Variants in ADAMTS12 observed in about 807,000 individuals in gnomAD.
The protein encoded by ADAMTS12 is ADAM metallopeptidase with thrombospondin type 1 motif 12, also known as A disintegrin and metalloproteinase with thrombospondin motifs 12.
A neutral mutation model predicts 167.8 loss-of-function variants in ADAMTS12; 118 were observed. The observed-to-expected ratio is 0.70, with a 90% confidence interval of 0.61 to 0.82. The LOEUF (loss-of-function observed/expected upper bound fraction) is 0.82, where lower values mean the gene tolerates loss of function less well. ADAMTS12 is among the 40% of genes least tolerant of loss of function. ADAMTS12 has a pLI of 0.00. For synonymous variants in ADAMTS12, 704 were observed against 716.9 expected (o/e 0.98, Z 0.29); for missense variants, 1,916 against 1,998.8 (o/e 0.96, Z 0.79).
chr5:33,696,159 T>C (rs994486417), intron 3 of ADAMTS12, among the ~76,000 whole-genome samples: 2 of 152,150 alleles, frequency 1.3e-5, no homozygotes, highest in Non-Finnish European at 2.9e-5. Flanking sequence ...TCGTGGCTCA[T>C]GCCTGTAATC....
intron 5 of ADAMTS12, among the ~76,000 whole-genome samples, chr5:33,677,174 A>G (rs570640923): frequency 1.3e-5 from 2 of 152,332 alleles, no homozygotes; most frequent in South Asian, 2.1e-4. Context: ...GTCCTTGTGA[A>G]ATAAGCATAG....
intron 5 of ADAMTS12, among the ~76,000 whole-genome samples, chr5:33,677,356 A>G (rs183994695): frequency 2.9e-4 from 44 of 152,338 alleles, no homozygotes; most frequent in African/African-American, 1.1e-3. Flanking sequence ...TGAAATACAT[A>G]TAATTATCAC....
At chr5:33,780,773 C>G (rs1746096830) in intron 2 of ADAMTS12, among the ~76,000 whole-genome samples, 1 of 152,126 alleles carries the variant, frequency 6.6e-6, no homozygotes, top group African/African-American at 2.4e-5. Flanking sequence ...CCCTTGCTTC[C>G]CAGCTGACTC....
intron 3 of ADAMTS12, among the ~76,000 whole-genome samples, chr5:33,718,013 C>T (rs1462600198): frequency 6.6e-6 from 1 of 152,172 alleles, no homozygotes; most frequent in African/African-American, 2.4e-5. Context: ...TTACACAATC[C>T]TAACATTTTA....
At chr5:33,683,543 G>C (rs954843355) in intron 4 of ADAMTS12, among the ~76,000 whole-genome samples, 1 of 152,104 alleles carries the variant, frequency 6.6e-6, no homozygotes, top group African/African-American at 2.4e-5. Flanking sequence ...CTTTGCCTCA[G>C]TTTACTCCTT....
At chr5:33,827,761 AGAAT>A (rs1748146559) in intron 2 of ADAMTS12, among the ~76,000 whole-genome samples, 3 of 143,874 alleles carry the variant, frequency 2.1e-5, no homozygotes, top group African/African-American at 5.2e-5. Flanking sequence ...ATAGATAGAT[AGAAT>A]GTTTTTGTTT....
chr5:33,545,908 G>A, intron 22 of ADAMTS12, 151 bp downstream of exon 22: 1 of 903,226 alleles, frequency 1.1e-6, no homozygotes, highest in Admixed American at 3.1e-5. Flanking sequence ...AATACCTAAT[G>A]TAAATGATGA....
At chr5:33,847,428 G>C (rs1748986173) in intron 2 of ADAMTS12, among the ~76,000 whole-genome samples, 1 of 152,070 alleles carries the variant, frequency 6.6e-6, no homozygotes, top group South Asian at 2.1e-4. Flanking sequence ...TTGGAGACCA[G>C]CCTGACCAAC....
At chr5:33,613,494 T>C (rs553987623) in intron 16 of ADAMTS12, among the ~76,000 whole-genome samples, 1 of 152,248 alleles carries the variant, frequency 6.6e-6, no homozygotes, top group Admixed American at 6.5e-5. Flanking sequence ...TGGAAGTGAC[T>C]TGCAGCACTT....
At position 33,881,287 on chromosome 5, in the gene ADAMTS12, C is replaced by T. The variant is rs190703511; in HGVS notation, c.321G>A (p.Thr107=). 7.4e-5 allele frequency: 120 copies of T among 1,614,146 alleles called. No individual in the cohort carries two copies. Among genetic ancestry groups the T allele is most frequent in the Middle Eastern group, 3.3e-4 (2 of 6,062 alleles). The change falls in exon 2 of 24, where the codon ACG becomes ACA. Residue 107 remains threonine, a synonymous_variant. Transcript: ENST00000504830. ...HEEKDLFFNL[T]VNQGFLSNSY... ...TATTGGAAAGAAATCCTTGATTGAC[C>T]GTCAAGTTAAAAAACAGGTCCTTCT...
At chr5:33,606,028 A>T (rs1738422546) in intron 16 of ADAMTS12, among the ~76,000 whole-genome samples, 1 of 152,042 alleles carries the variant, frequency 6.6e-6, no homozygotes, top group Admixed American at 6.6e-5. Context: ...ACTCATTGCA[A>T]CCTCTGCCTC....
At chr5:33,677,129 CT>C (rs1741942404) in intron 5 of ADAMTS12, among the ~76,000 whole-genome samples, 1 of 152,106 alleles carries the variant, frequency 6.6e-6, no homozygotes, top group African/African-American at 2.4e-5. Context: ...TGATTTTGTC[CT>C]TTAGGTCTTT....
intron 14 of ADAMTS12, among the ~76,000 whole-genome samples, chr5:33,616,802 A>G (rs1257068756): frequency 6.6e-6 from 1 of 152,244 alleles, no homozygotes; most frequent in Non-Finnish European, 1.5e-5. Flanking sequence ...CTTAAAGATA[A>G]CAATCAACTC....
chr5:33,871,587 A>G (rs953676861), intron 2 of ADAMTS12, among the ~76,000 whole-genome samples: 11 of 151,494 alleles, frequency 7.3e-5, no homozygotes, highest in Admixed American at 2.6e-4. Flanking sequence ...AGGTAACTAG[A>G]AAAAAAAAGA....
chr5:33,886,572 A>G (rs1275709590), intron 1 of ADAMTS12, among the ~76,000 whole-genome samples: 3 of 152,244 alleles, frequency 2.0e-5, no homozygotes, highest in African/African-American at 4.8e-5. Flanking sequence ...GTTAGAGGTG[A>G]TAACACTGCT....
At chr5:33,776,422 A>G (rs1745912046) in intron 2 of ADAMTS12, among the ~76,000 whole-genome samples, 1 of 152,182 alleles carries the variant, frequency 6.6e-6, no homozygotes, top group African/African-American at 2.4e-5. Flanking sequence ...AAGGAAAATT[A>G]GAATATTCAC....
rs780010676 is a variant in ADAMTS12 at position 33,576,330 on chromosome 5, C to T, written c.3696G>A (p.Gly1232=). Residue 1232 remains glycine (G), a synonymous_variant, in exon 19 of 24, where the codon GGG becomes GGA. Coordinates refer to ENST00000504830, the MANE Select transcript of ADAMTS12 (RefSeq NM_030955.4). ...TAACCATCCCCTCAACTCTGGGTGT[C>T]CCAGTTTCGGAAGTAGTGGGCCTTT... ...PSQRPTTSET[G]TPRVEGMVTE... 1.9e-6 allele frequency: 3 copies of T among 1,614,146 alleles called. No homozygotes were observed. Among genetic ancestry groups the T allele is most frequent in the South Asian group, 1.1e-5 (1 of 91,074 alleles).
At chr5:33,540,670 C>T (rs1382337268) in intron 22 of ADAMTS12, among the ~76,000 whole-genome samples, 1 of 152,252 alleles carries the variant, frequency 6.6e-6, no homozygotes, top group Non-Finnish European at 1.5e-5. Flanking sequence ...GCAGCCTCTG[C>T]TGGTGATACC....
intron 3 of ADAMTS12, among the ~76,000 whole-genome samples, chr5:33,716,476 C>G (rs1300488209): frequency 6.6e-6 from 1 of 152,066 alleles, no homozygotes; most frequent in Non-Finnish European, 1.5e-5. Flanking sequence ...GCTCAGCAAT[C>G]TTATTGCAGT....
Sources: allele counts gnomAD v4.1 joint callset (sites outside exome capture counted in the v4.1 genomes callset), GRCh38; gene constraint gnomAD v4.1.1; transcripts MANE v1.5; gene names NCBI Gene and HGNC (gene_info 2026-07-23, HGNC 2026-07-21).